Variants in SLC4A1 observed in about 807,000 individuals in gnomAD.
SLC4A1 encodes the protein band 3 anion transport protein.
A neutral mutation model predicts 93.1 loss-of-function variants in SLC4A1; 29 were observed. The observed-to-expected ratio is 0.31, with a 90% CI of 0.23 to 0.42. The LOEUF is 0.42. Ranked by LOEUF, SLC4A1 falls within the 20% of genes least tolerant of loss-of-function variation. The probability of loss-of-function intolerance (pLI) is 1.00; values close to 1 mark genes in which losing one functional copy is unlikely to be tolerated. For synonymous variants in SLC4A1, 469 were observed against 497.2 expected (o/e 0.94, Z 0.76); for missense variants, 965 against 1,190.1 (o/e 0.81, Z 2.78).
Position 44,259,497 on chromosome 17 carries a change from C to T in SLC4A1, c.694G>A (p.Gly232Ser), listed in dbSNP as rs755520925. The T allele has an allele frequency of 6.2e-7, 1 of 1,613,288 alleles. No individual in the cohort carries two copies. Among genetic ancestry groups the T allele is most frequent in the Non-Finnish European group, 8.5e-7 (1 of 1,179,276 alleles). ...PDSEATLVLV[G>S]RADFLEQPVL... ...TGAGGGTAGAGATGCCTGTTCTTAC[C>T]CACTAGCACCAACGTGGCCTCTGAA... Residue 232 changes from glycine to serine, a missense_variant and splice_region_variant, in exon 8 of 20, where the codon GGC (glycine) becomes AGC (serine). By Grantham distance (56) the Gly-to-Ser change is moderately conservative. This residue lies in a region of SLC4A1 where 770 missense variants were observed against 1,006.6 expected (regional missense o/e 0.76). Coordinates refer to ENST00000262418, the MANE Select transcript of SLC4A1 (RefSeq NM_000342.4).
In SLC4A1 at chr17:44,259,561, C is replaced by G. The variant is rs201699279; in HGVS notation, c.630G>C (p.Gly210=). The change falls in exon 8 of 20, where the codon GGG becomes GGC. Residue 210 remains glycine (G), a synonymous_variant. Transcript: ENST00000262418. The part of the protein sequence containing the change: ...FCEQGDGGTE[G]HSPSGILEKI... Reference sequence around the variant, plus strand: ...TTTCCAGAATTCCAGATGGTGAGTGCCCTTCTGTGCCCCCATCTCCCTGTG... The same window carrying G: ...TTTCCAGAATTCCAGATGGTGAGTGGCCTTCTGTGCCCCCATCTCCCTGTG... The G allele has an allele frequency of 6.2e-6, 10 of 1,613,792 alleles. No homozygotes were observed. The highest frequency in any genetic ancestry group is 8.5e-6 in the Non-Finnish European group (10 of 1,179,838).
chr17:44,253,970 C>CGT (rs2047365692), intron 16 of SLC4A1, among the ~76,000 whole-genome samples: 2 of 87,066 alleles, frequency 2.3e-5, no homozygotes, highest in South Asian at 4.0e-4. Flanking sequence ...TCACCTGGCG[C>CGT]TTTTTTTTTT....
intron 1 of SLC4A1, among the ~76,000 whole-genome samples, chr17:44,265,623 G>A (rs2047490067): frequency 3.9e-5 from 6 of 151,984 alleles, no homozygotes; most frequent in African/African-American, 1.2e-4. Flanking sequence ...CACCCACCTC[G>A]GCCTCCCAAA....
chr17:44,261,546 G>T (rs746846605), intron 4 of SLC4A1, 29 bp downstream of exon 4: 2 of 1,613,952 alleles, frequency 1.2e-6, no homozygotes, highest in Non-Finnish European at 1.7e-6. Flanking sequence ...GGCAGCATGG[G>T]AAAGAACGGA....
intron 1 of SLC4A1, among the ~76,000 whole-genome samples, chr17:44,263,638 C>T (rs1048425846): frequency 1.3e-5 from 2 of 152,032 alleles, no homozygotes; most frequent in Admixed American, 6.6e-5. Flanking sequence ...CAGAGGCCCT[C>T]CCTGGCCACC....
chr17:44,251,350 G>A lies in SLC4A1; in HGVS notation c.2482-18C>T, dbSNP rs1459357975. On this transcript the variant is annotated intron_variant, in intron 18 of 19. Coordinates refer to ENST00000262418, the MANE Select transcript of SLC4A1 (RefSeq NM_000342.4). ...GTCTTCACCTGCAGGCGGAGGCTGG[G>A]GTCAGTGCCTATCACACCCCAGCAC... 6.2e-7 allele frequency: 1 copy of A among 1,614,208 alleles called. No individual in the cohort carries two copies. The highest frequency in any genetic ancestry group is 8.5e-7 in the Non-Finnish European group (1 of 1,180,038).
intron 7 of SLC4A1, 76 bp downstream of exon 7, chr17:44,259,733 G>A: frequency 6.2e-7 from 1 of 1,607,806 alleles, no homozygotes; most frequent in Non-Finnish European, 8.5e-7. Context: ...CGGTTTTTCA[G>A]GACCCCTGCT....
chr17:44,266,105 C>T (rs1348873981), intron 1 of SLC4A1, among the ~76,000 whole-genome samples: 1 of 152,024 alleles, frequency 6.6e-6, no homozygotes, highest in Non-Finnish European at 1.5e-5. Flanking sequence ...ATGGGAGAGA[C>T]CCCTGCCTTG....
chr17:44,262,649 C>A lies in SLC4A1; in HGVS notation c.93G>T (p.Met31Ile), dbSNP rs879106259. 19 of 1,612,438 alleles carry A rather than the reference C, an allele frequency of 1.2e-5. No individual in the cohort carries two copies. The highest frequency in any genetic ancestry group is 1.5e-5 in the Non-Finnish European group (18 of 1,179,160). The part of the protein sequence containing the change: ...YEDPDIPESQ[M>I]EEPAAHDTEA... ...AGAGGGGCTCACCTGCCGGCTCCTCCATCTGGGACTCGGGGATGTCTGGGT... is the reference window on the plus strand; with the variant it reads ...AGAGGGGCTCACCTGCCGGCTCCTCAATCTGGGACTCGGGGATGTCTGGGT... Residue 31 changes from methionine to isoleucine, a missense_variant, in exon 3 of 20, where the codon ATG (methionine) becomes ATT (isoleucine). Coordinates refer to ENST00000262418, the MANE Select transcript of SLC4A1 (RefSeq NM_000342.4).
Position 44,258,342 on chromosome 17 carries a change from GAC to G in SLC4A1, c.1087+69_1087+70del, listed in dbSNP as rs1347268966. 4.0e-6 allele frequency: 6 copies of G among 1,498,252 alleles called. No individual in the cohort carries two copies. Among genetic ancestry groups the G allele is most frequent in the Admixed American group, 1.7e-5 (1 of 59,784 alleles). 92.8% of individuals were successfully genotyped at this position (1,498,252 alleles called of 1,614,324 possible). ...GATGAGAGGGGAACATGTGATGGGA[GAC>G]AGAGGCTACGCTGAGGTGTCTGGGG... On this transcript the variant is annotated intron_variant, in intron 10 of 19. Coordinates refer to ENST00000262418, the MANE Select transcript of SLC4A1 (RefSeq NM_000342.4). This position sits in a 1 kb window ranked among gnomAD's most constrained non-coding sequence, Gnocchi z 6.1.
In SLC4A1 at chr17:44,259,843, T is replaced by C. The variant is rs1262134837; in HGVS notation, c.575A>G (p.His192Arg). The part of the protein sequence containing the change: ...GDPSQPLLPQ[H>R]SSLETQLFCE... ...GAAGAGCTGTGTCTCCAGTGAGGAG[T>C]GTTGGGGGAGCAGAGGCTGTGAAGG... Residue 192 changes from histidine to arginine, a missense_variant, in exon 7 of 20, where the codon CAC (histidine) becomes CGC (arginine). By Grantham distance (29) the His-to-Arg change is conservative (BLOSUM62 0). This residue lies in a region of SLC4A1 where 770 missense variants were observed against 1,006.6 expected (regional missense o/e 0.76). Transcript: ENST00000262418. 4 of 1,612,982 alleles carry C rather than the reference T, an allele frequency of 2.5e-6. No homozygotes were observed. In the South Asian group the frequency reaches 3.3e-5, roughly 13 times the overall value.
intron 1 of SLC4A1, among the ~76,000 whole-genome samples, chr17:44,266,000 GAA>G (rs2047493290): frequency 6.6e-6 from 1 of 150,860 alleles, no homozygotes; most frequent in Non-Finnish European, 1.5e-5. Flanking sequence ...AAAAAAGAAA[GAA>G]AGGGATGTGC....
chr17:44,251,555 C>A lies in SLC4A1; in HGVS notation c.2345G>T (p.Arg782Leu), dbSNP rs777827818. ...GCCAAACAGTACAGCCAGGGGGATG[C>A]GGGACAGGATGGGCTCCATGAGGAT... ...LSILMEPILSRIPLAVLFGIF... is the reference protein window; with the variant it reads ...LSILMEPILSLIPLAVLFGIF... The change falls in exon 18 of 20, where the codon CGC (arginine) becomes CTC (leucine). Residue 782 changes from arginine (R) to leucine (L), a missense_variant. By Grantham distance (102) the Arg-to-Leu change is moderately radical. Around this residue, in one of 2 missense-constraint regions of SLC4A1, gnomAD observed 770 missense variants for 1,006.6 expected, o/e 0.76. Coordinates refer to ENST00000262418, the MANE Select transcript of SLC4A1 (RefSeq NM_000342.4). 4.3e-6 allele frequency: 7 copies of A among 1,613,866 alleles called. No individual in the cohort carries two copies. The highest frequency in any genetic ancestry group is 4.0e-5 in the African/African-American group (3 of 74,870).
At chr17:44,265,515 G>A (rs1489849984) in intron 1 of SLC4A1, among the ~76,000 whole-genome samples, 2 of 152,098 alleles carry the variant, frequency 1.3e-5, no homozygotes, top group Admixed American at 6.5e-5. Context: ...GACTACAGGC[G>A]CCCGCCACCA....
At chr17:44,264,973 G>T (rs941612080) in intron 1 of SLC4A1, among the ~76,000 whole-genome samples, 1 of 149,858 alleles carries the variant, frequency 6.7e-6, no homozygotes, top group Non-Finnish European at 1.5e-5. Flanking sequence ...GAGCACTGGA[G>T]GCTGTGGGGA....
chr17:44,257,867 G>A, intron 11 of SLC4A1, 60 bp from the exon 12 acceptor site: 1 of 1,609,646 alleles, frequency 6.2e-7, no homozygotes, highest in Admixed American at 1.7e-5. Context: ...AGCCCATAGA[G>A]CAAGTCATGG....
At chr17:44,256,760 C>T (rs1441521321) in intron 13 of SLC4A1, among the ~76,000 whole-genome samples, 1 of 152,240 alleles carries the variant, frequency 6.6e-6, no homozygotes, top group East Asian at 1.9e-4. Context: ...CCTCTCATGC[C>T]TCAGCAAGAG....
chr17:44,265,186 C>T (rs1216015027), intron 1 of SLC4A1, among the ~76,000 whole-genome samples: 1 of 151,872 alleles, frequency 6.6e-6, no homozygotes, highest in Non-Finnish European at 1.5e-5. Flanking sequence ...CTCCTAGCCG[C>T]GACAGGGAGG....
chr17:44,255,915 A>G, intron 13 of SLC4A1, 69 bp from the exon 14 acceptor site: 1 of 1,423,966 alleles, frequency 7.0e-7, no homozygotes, highest in South Asian at 1.2e-5. Context: ...ACCACCAGCT[A>G]ACTCTACCCA....
Sources: allele counts gnomAD v4.1 joint callset (sites outside exome capture counted in the v4.1 genomes callset), GRCh38; gene constraint gnomAD v4.1.1; regional missense constraint gnomAD v4.1.1; non-coding constraint Gnocchi (gnomAD v3.1); transcripts MANE v1.5; gene names NCBI Gene and HGNC (gene_info 2026-07-23, HGNC 2026-07-21).